USP4: variants seen among roughly 807,000 people sequenced by gnomAD.
USP4 encodes the protein ubiquitin carboxyl-terminal hydrolase 4.
USP4 carries 72 observed loss-of-function variants against 118.2 expected under a neutral mutation model. The observed-to-expected ratio is 0.61, with a 90% CI of 0.50 to 0.74. The LOEUF is 0.74. USP4 is among the 30% of genes least tolerant of loss of function. USP4 has a pLI of 0.00. For missense variants in USP4, 1,037 were observed against 1,185.7 expected (o/e 0.87, Z 1.84); for synonymous variants, 415 against 440.4 (o/e 0.94, Z 0.72).
intron 6 of USP4, among the ~76,000 whole-genome samples, chr3:49,320,406 C>A (rs2047486570): frequency 6.6e-6 from 1 of 152,034 alleles, no homozygotes; most frequent in Non-Finnish European, 1.5e-5. Context: ...CGCGCCATTA[C>A]ACTCCAACCT....
At chr3:49,319,646 C>T (rs1362639788) in intron 6 of USP4, among the ~76,000 whole-genome samples, 4 of 151,868 alleles carry the variant, frequency 2.6e-5, no homozygotes, top group African/African-American at 7.3e-5. Context: ...TGGAGTCTTG[C>T]TCTGTCACGC....
intron 6 of USP4, among the ~76,000 whole-genome samples, chr3:49,314,834 G>A (rs1340858985): frequency 6.6e-6 from 1 of 151,960 alleles, no homozygotes; most frequent in Non-Finnish European, 1.5e-5. Context: ...AGATCAACCT[G>A]GTCAACATGG....
chr3:49,288,886 GATTGCTTGAGC>G (rs2047125838), intron 15 of USP4, among the ~76,000 whole-genome samples: 2 of 152,248 alleles, frequency 1.3e-5, no homozygotes, highest in South Asian at 4.1e-4. Flanking sequence ...GAGGCAGATG[GATTGCTTGAGC>G]CCAGGAGTTC....
chr3:49,324,758 T>C lies in USP4; in HGVS notation c.639A>G (p.Leu213=), dbSNP rs2047534040. ...QDAGLYQGQV[L]VIEPQNEDGT... Reference sequence around the variant, plus strand: ...CATCTTCATTTTGAGGCTCAATTACTAGCACCTGAGTGAAAGGGGAAACCA... The same window carrying C: ...CATCTTCATTTTGAGGCTCAATTACCAGCACCTGAGTGAAAGGGGAAACCA... Residue 213 remains leucine, a synonymous_variant, in exon 6 of 22, where the codon CTA becomes CTG. Coordinates refer to ENST00000265560, the MANE Select transcript of USP4 (RefSeq NM_003363.4). 1.2e-6 allele frequency: 2 copies of C among 1,614,182 alleles called. No homozygotes were observed. The highest frequency in any genetic ancestry group is 1.7e-6 in the Non-Finnish European group (2 of 1,180,010).
chr3:49,320,396 C>A (rs1321310116), intron 6 of USP4, among the ~76,000 whole-genome samples: 1 of 152,048 alleles, frequency 6.6e-6, no homozygotes, highest in African/African-American at 2.4e-5. Context: ...GAGCCAAGAT[C>A]GCGCCATTAC....
At chr3:49,292,697 G>T in intron 14 of USP4, 99 bp from the exon 15 acceptor site, 1 of 766,538 alleles carries the variant, frequency 1.3e-6, no homozygotes, top group Non-Finnish European at 2.1e-6. Flanking sequence ...TAATTTATAT[G>T]GATGATAGCT....
At chr3:49,338,838 A>G (rs1214180330) in intron 1 of USP4, among the ~76,000 whole-genome samples, 1 of 151,582 alleles carries the variant, frequency 6.6e-6, no homozygotes, top group Non-Finnish European at 1.5e-5. Context: ...CATCACCACA[A>G]TGATTTCTTA....
At chr3:49,327,850 C>T in intron 2 of USP4, 34 bp from the exon 3 acceptor site, 1 of 1,591,416 alleles carries the variant, frequency 6.3e-7, no homozygotes, top group South Asian at 1.1e-5. Context: ...AGTCACTGCT[C>T]TTTACCCCAG....
chr3:49,317,167 A>C (rs1285939183), intron 6 of USP4: 1 of 1,454,814 alleles, frequency 6.9e-7, no homozygotes, highest in Admixed American at 1.7e-5. Flanking sequence ...GACACTGAGC[A>C]AAGTCTGGGA....
At chr3:49,335,106 C>G (rs554350623) in intron 2 of USP4, among the ~76,000 whole-genome samples, 1 of 152,140 alleles carries the variant, frequency 6.6e-6, no homozygotes, top group Non-Finnish European at 1.5e-5. Flanking sequence ...CAATTTGTTC[C>G]ACTGCAAAGG....
At chr3:49,278,685 C>T in intron 21 of USP4, 129 bp downstream of exon 21, 2 of 877,560 alleles carry the variant, frequency 2.3e-6, no homozygotes, top group African/African-American at 3.4e-5. Context: ...GGAATGCCAG[C>T]CAGCTCTGTC....
chr3:49,331,315 G>A (rs1236143760), intron 2 of USP4, among the ~76,000 whole-genome samples: 8 of 81,378 alleles, frequency 9.8e-5, no homozygotes, highest in East Asian at 6.8e-4. Flanking sequence ...GCAAAACTCC[G>A]ACTCAAAAAA....
intron 6 of USP4, among the ~76,000 whole-genome samples, chr3:49,315,922 G>C (rs1416146837): frequency 6.6e-6 from 1 of 152,138 alleles, no homozygotes; most frequent in Non-Finnish European, 1.5e-5. Context: ...TTTAAGACTA[G>C]GCCAGGCGTG....
At position 49,284,594 on chromosome 3, in the gene USP4, T is replaced by G; in HGVS notation, c.2272-10A>C. On this transcript the variant is annotated splice_polypyrimidine_tract_variant and intron_variant, in intron 17 of 21. Coordinates refer to ENST00000265560, the MANE Select transcript of USP4 (RefSeq NM_003363.4). ...CATGCTTCTCGTAGGCCTATGGGAA[T>G]CAAAGCACTCAGTTCTGCTGGAGAA... The G allele has an allele frequency of 6.2e-7, 1 of 1,610,508 alleles. No individual in the cohort carries two copies. The highest frequency in any genetic ancestry group is 8.5e-7 in the Non-Finnish European group (1 of 1,177,212).
At position 49,309,977 on chromosome 3, in the gene USP4, C is replaced by T. The variant is rs1220549670; in HGVS notation, c.954+643G>A. ...TTTTTTTTTTTTTTTGAGACAGAGT[C>T]TCACTCTGTTGCCCAGGCTAGAGTG... On this transcript the variant is annotated intron_variant, in intron 8 of 21. Coordinates refer to ENST00000265560, the MANE Select transcript of USP4 (RefSeq NM_003363.4). 9.1e-4 allele frequency among the ~76,000 whole-genome samples: 12 copies of T among 13,202 alleles called. No individual in the cohort carries two copies. The South Asian group carries it at 0.016, about 17-fold the overall frequency. 8.7% of individuals were successfully genotyped at this position (13,202 alleles called of 152,430 possible). A position where few individuals can be genotyped will look rare whatever the true frequency, so the allele number is the denominator to read the frequency against.
intron 6 of USP4, among the ~76,000 whole-genome samples, chr3:49,319,485 C>T (rs1170520628): frequency 1.3e-5 from 2 of 152,162 alleles, no homozygotes; most frequent in African/African-American, 2.4e-5. Flanking sequence ...CTCTTGACCT[C>T]GTGATGTGCC....
intron 20 of USP4, among the ~76,000 whole-genome samples, chr3:49,280,157 G>T (rs879303416): frequency 1.5e-4 from 23 of 151,948 alleles, no homozygotes; most frequent in Admixed American, 7.9e-4. Context: ...CAGCTACTCG[G>T]CAGGCTGAGG....
intron 8 of USP4, among the ~76,000 whole-genome samples, chr3:49,306,839 C>T (rs2047324110): frequency 6.6e-6 from 1 of 151,970 alleles, no homozygotes; most frequent in Non-Finnish European, 1.5e-5. Context: ...GGCTGGAGTG[C>T]AGTGGCGCAA....
At chr3:49,327,303 C>T (rs748987464) in intron 3 of USP4, among the ~76,000 whole-genome samples, 1 of 152,142 alleles carries the variant, frequency 6.6e-6, no homozygotes, top group South Asian at 2.1e-4. Context: ...TTTGGGGGGC[C>T]GAGTCGGGCG....
Sources: gnomAD v4.1 joint callset for allele counts (sites outside exome capture counted in the v4.1 genomes callset) on GRCh38, gnomAD v4.1.1 for gene constraint, MANE v1.5 for transcripts, NCBI Gene and HGNC (gene_info 2026-07-23, HGNC 2026-07-21) for gene names.